The following EPM2A variants were observed in gnomAD, a reference collection of about 807,000 sequenced individuals.
EPM2A encodes laforin.
Under a neutral mutation model 26.5 loss-of-function variants are expected in EPM2A, and 21 were observed. The ratio of observed to expected loss-of-function variants is 0.79; its 90% CI spans 0.56 to 1.14. The LOEUF is 1.14. Ranked by LOEUF, EPM2A falls within the 50% of genes most tolerant of loss-of-function variation. EPM2A has a pLI of 0.00. For synonymous variants in EPM2A, 217 were observed against 177.6 expected (o/e 1.22, Z -1.76); for missense variants, 458 against 440.8 (o/e 1.04, Z -0.35).
chr6:145,697,110 G>A (rs532197410), intron 1 of EPM2A, among the ~76,000 whole-genome samples: 6 of 152,148 alleles, frequency 3.9e-5, no homozygotes, highest in East Asian at 1.9e-4. Context: ...ATTCACCCCC[G>A]ATATTTCACG....
At chr6:145,491,423 T>A (rs6903647) in intron 4 of EPM2A, among the ~76,000 whole-genome samples, 84 of 152,194 alleles carry the variant, frequency 5.5e-4, no homozygotes, top group African/African-American at 2.0e-3. Flanking sequence ...GGCAGGACCC[T>A]CCATCCCCAG....
At chr6:145,407,296 G>A (rs1227146594) in intron 4 of EPM2A, among the ~76,000 whole-genome samples, 1 of 152,006 alleles carries the variant, frequency 6.6e-6, no homozygotes, top group Non-Finnish European at 1.5e-5. Flanking sequence ...GCAATCTTAG[G>A]CATTTACACT....
intron 2 of EPM2A, among the ~76,000 whole-genome samples, chr6:145,529,200 T>C (rs1294262366): frequency 6.6e-6 from 1 of 152,128 alleles, no homozygotes; most frequent in Non-Finnish European, 1.5e-5. Flanking sequence ...AGAAAAGATA[T>C]AGAATATTTT....
Position 145,672,718 on chromosome 6 carries a change from A to G in EPM2A, c.476+13404T>C, listed in dbSNP as rs367843154. Among the ~76,000 whole-genome samples the G allele has an allele frequency of 8.5e-5, 13 of 152,366 alleles. No individual in the cohort carries two copies. In the East Asian group the frequency reaches 1.9e-3, roughly 23 times the overall value. ...CGGCACAAGGAAGAAACATCACAAT[A>G]AAAACAGAGGAATTAAGTGTATTAT... On this transcript the variant is annotated intron_variant, in intron 2 of 3. Transcript: ENST00000367519.
At chr6:145,469,427 C>T (rs1310345134) in intron 4 of EPM2A, among the ~76,000 whole-genome samples, 1 of 151,956 alleles carries the variant, frequency 6.6e-6, no homozygotes, top group Admixed American at 6.6e-5. Flanking sequence ...AAAATATGCT[C>T]AACATCATTG....
At chr6:145,732,411 CAT>C (rs759887054) in intron 1 of EPM2A, among the ~76,000 whole-genome samples, 12,110 of 56,026 alleles carry the variant, frequency 0.22, 489 homozygotes, top group Non-Finnish European at 0.28. Context: ...CACACACACA[CAT>C]ATATATATAT....
intron 2 of EPM2A, among the ~76,000 whole-genome samples, chr6:145,665,678 T>C (rs1169959973): frequency 1.4e-5 from 2 of 144,758 alleles, no homozygotes; most frequent in Admixed American, 7.0e-5. Flanking sequence ...GCCAGCATCA[T>C]TCTGATACCA....
intron 2 of EPM2A, among the ~76,000 whole-genome samples, chr6:145,605,728 CAT>C (rs1477895120): frequency 6.6e-6 from 1 of 152,064 alleles, no homozygotes; most frequent in African/African-American, 2.4e-5. Context: ...AATTTTATAT[CAT>C]ATTTTAACAT....
chr6:145,387,093 A>G (rs748226042), intron 4 of EPM2A, among the ~76,000 whole-genome samples: 5 of 152,108 alleles, frequency 3.3e-5, no homozygotes, highest in Non-Finnish European at 5.9e-5. Flanking sequence ...TAGATCTCCA[A>G]TGAAGTAACT....
chr6:145,617,529 G>A (rs1291403894), intron 2 of EPM2A, among the ~76,000 whole-genome samples: 2 of 152,086 alleles, frequency 1.3e-5, no homozygotes, highest in African/African-American at 4.8e-5. Context: ...ACAAAATAAG[G>A]CACAAAATGA....
intron 2 of EPM2A, among the ~76,000 whole-genome samples, chr6:145,583,579 G>A (rs1009444769): frequency 2.0e-5 from 3 of 152,188 alleles, no homozygotes; most frequent in African/African-American, 4.8e-5. Context: ...TTCCAATGGC[G>A]GGCGGGGTGG....
At chr6:145,457,394 G>C (rs1051079641) in intron 4 of EPM2A, among the ~76,000 whole-genome samples, 4 of 149,072 alleles carry the variant, frequency 2.7e-5, no homozygotes, top group Non-Finnish European at 4.4e-5. Flanking sequence ...TGAGGCAGGA[G>C]AACTGCTTGA....
intron 4 of EPM2A, among the ~76,000 whole-genome samples, chr6:145,470,126 A>G (rs143064331): frequency 6.6e-6 from 1 of 152,254 alleles, no homozygotes; most frequent in East Asian, 1.9e-4. Context: ...CAACAAAGTG[A>G]CCATGGTCAA....
intron 2 of EPM2A, among the ~76,000 whole-genome samples, chr6:145,538,252 A>C (rs1407003264): frequency 2.0e-5 from 3 of 151,894 alleles, no homozygotes; most frequent in Non-Finnish European, 4.4e-5. Context: ...TTCTCCACAG[A>C]AGAGGCCTTT....
chr6:145,635,655 C>T (rs1188833635), intron 2 of EPM2A, 169 bp from the exon 3 acceptor site: 1 of 648,442 alleles, frequency 1.5e-6, no homozygotes, highest in Non-Finnish European at 2.7e-6. Flanking sequence ...AGAAAAAGTA[C>T]TGGTGTTGCT....
chr6:145,676,085 C>G (rs1780017481), intron 2 of EPM2A, among the ~76,000 whole-genome samples: 1 of 152,134 alleles, frequency 6.6e-6, no homozygotes, highest in African/African-American at 2.4e-5. Flanking sequence ...TCTCTCAGAC[C>G]ACAGTGAAAT....
chr6:145,720,598 C>A (rs920683211), intron 1 of EPM2A, among the ~76,000 whole-genome samples: 4 of 152,112 alleles, frequency 2.6e-5, no homozygotes, highest in African/African-American at 9.7e-5. Flanking sequence ...TGTTCCAGTT[C>A]TGGAATTGTA....
chr6:145,393,512 C>T (rs1778364591), intron 4 of EPM2A, among the ~76,000 whole-genome samples: 2 of 151,926 alleles, frequency 1.3e-5, no homozygotes, highest in Non-Finnish European at 2.9e-5. Flanking sequence ...TTTTTTTCCC[C>T]ATTATAAGAA....
At chr6:145,456,956 T>C (rs1382753075) in intron 4 of EPM2A, among the ~76,000 whole-genome samples, 5 of 152,150 alleles carry the variant, frequency 3.3e-5, no homozygotes, top group Admixed American at 1.3e-4. Flanking sequence ...CGGTATAAAA[T>C]GGAAATATTA....
Sources: gnomAD v4.1 joint callset for allele counts (sites outside exome capture counted in the v4.1 genomes callset) on GRCh38, gnomAD v4.1.1 for gene constraint, MANE v1.5 for transcripts, NCBI Gene and HGNC (gene_info 2026-07-23, HGNC 2026-07-21) for gene names.